The following TTC29 variants were observed in gnomAD, a reference collection of about 807,000 sequenced individuals.
TTC29 encodes tetratricopeptide repeat domain 29.
Under a neutral mutation model 58.1 loss-of-function variants are expected in TTC29, and 49 were observed. That is an observed-to-expected ratio of 0.84 (90% CI 0.67 to 1.07). TTC29 has a LOEUF of 1.07. Among genes scored for constraint, TTC29 ranks in the 50% least tolerant of loss-of-function variants. The probability of loss-of-function intolerance (pLI) is 0.00; values close to 1 mark genes in which losing one functional copy is unlikely to be tolerated. For synonymous variants in TTC29, 209 were observed against 196.8 expected, an observed-to-expected ratio of 1.06 and a Z score of -0.52; for missense variants, 582 against 555.6, an observed-to-expected ratio of 1.05 and a Z score of -0.48.
chr4:146,812,733 A>C (rs902794414), intron 10 of TTC29: 6 of 152,224 alleles, frequency 3.9e-5, no homozygotes, highest in African/African-American at 1.4e-4. Flanking sequence ...AATTATTTTA[A>C]GATGCAAACA....
chr4:146,935,624 G>A (rs6813972), intron 4 of TTC29, among the ~76,000 whole-genome samples: 11,452 of 152,056 alleles, frequency 0.075, 1,467 homozygotes, highest in African/African-American at 0.26. Context: ...TGCACCTCAC[G>A]GTACAGCCGG....
chr4:146,841,575 T>C (rs1157277243), intron 8 of TTC29, among the ~76,000 whole-genome samples: 5 of 152,124 alleles, frequency 3.3e-5, no homozygotes, highest in Non-Finnish European at 7.4e-5. Context: ...AATATTTTTT[T>C]TCTTATTTTT....
intron 6 of TTC29, among the ~76,000 whole-genome samples, chr4:146,881,235 T>G (rs1169668623): frequency 6.6e-6 from 1 of 152,104 alleles, no homozygotes; most frequent in Non-Finnish European, 1.5e-5. Flanking sequence ...GCTAATTATT[T>G]CCTTTTCTAT....
At chr4:146,809,703 A>G (rs1418000751) in intron 10 of TTC29, among the ~76,000 whole-genome samples, 1 of 150,078 alleles carries the variant, frequency 6.7e-6, no homozygotes, top group East Asian at 2.0e-4. Flanking sequence ...GCAAATCAAA[A>G]CCACAATGAG....
rs148227508 is a variant in TTC29, at chr4:146,771,794, T to C, written c.1330+31663A>G. Among the ~76,000 whole-genome samples, 572 of 152,308 alleles carry C rather than the reference T, an allele frequency of 3.8e-3. 3 individuals are homozygous for C. The highest frequency in any genetic ancestry group is 0.013 in the African/African-American group (553 of 41,576). ...TACACCGAGTAACAGGGTTTTTGGG[T>C]TGAATGGTAGTTCTGTTTTAAATTC... On this transcript the variant is annotated intron_variant, in intron 11 of 12. Transcript: ENST00000325106.
chr4:146,818,765 A>T (rs1168439298), intron 10 of TTC29, among the ~76,000 whole-genome samples: 1 of 152,040 alleles, frequency 6.6e-6, no homozygotes, highest in African/African-American at 2.4e-5. Context: ...TAAAAAATGA[A>T]GAGTTCATGT....
At chr4:146,744,614 A>G (rs1286225569) in intron 11 of TTC29, among the ~76,000 whole-genome samples, 1 of 152,096 alleles carries the variant, frequency 6.6e-6, no homozygotes, top group Non-Finnish European at 1.5e-5. Flanking sequence ...CCATCAGCAC[A>G]GTGTGGAGTG....
intron 4 of TTC29, among the ~76,000 whole-genome samples, chr4:146,923,822 C>T (rs1006253165): frequency 1.3e-5 from 2 of 151,736 alleles, no homozygotes; most frequent in African/African-American, 2.4e-5. Flanking sequence ...ACAAGAAAAA[C>T]TTTCTCATTT....
intron 6 of TTC29, among the ~76,000 whole-genome samples, chr4:146,899,075 C>T (rs983067807): frequency 5.9e-5 from 9 of 152,180 alleles, no homozygotes; most frequent in African/African-American, 1.9e-4. Flanking sequence ...AGTTTGCATG[C>T]CCCCCAAACC....
chr4:146,755,143 A>T (rs957074441), intron 11 of TTC29, among the ~76,000 whole-genome samples: 4 of 151,782 alleles, frequency 2.6e-5, no homozygotes, highest in Non-Finnish European at 5.9e-5. Flanking sequence ...ATAATAGCAT[A>T]AAAAAACATA....
At chr4:146,745,363 T>C (rs1745467200) in intron 11 of TTC29, among the ~76,000 whole-genome samples, 1 of 152,158 alleles carries the variant, frequency 6.6e-6, no homozygotes, top group Non-Finnish European at 1.5e-5. Context: ...AGAGAACCAC[T>C]AGTCATGGAG....
intron 11 of TTC29, among the ~76,000 whole-genome samples, chr4:146,768,167 AG>A (rs1747466741): frequency 6.6e-6 from 1 of 152,060 alleles, no homozygotes; most frequent in Non-Finnish European, 1.5e-5. Flanking sequence ...TTGAGTATTA[AG>A]TTTGAAGATT....
chr4:146,888,238 C>T (rs1732121498), intron 6 of TTC29, among the ~76,000 whole-genome samples: 2 of 152,038 alleles, frequency 1.3e-5, no homozygotes, highest in Admixed American at 6.6e-5. Context: ...CGTAGAACTA[C>T]AGAGAGAACC....
At chr4:146,743,512 T>A (rs1159614944) in intron 11 of TTC29, among the ~76,000 whole-genome samples, 1 of 152,202 alleles carries the variant, frequency 6.6e-6, no homozygotes, top group African/African-American at 2.4e-5. Context: ...TTTTCTTTTA[T>A]GTTTTAAAGA....
chr4:146,812,721 T>G (rs1751106639), intron 10 of TTC29: 2 of 152,152 alleles, frequency 1.3e-5, no homozygotes, highest in Admixed American at 6.6e-5. Flanking sequence ...AAATAAAAAA[T>G]TAATTATTTT....
At position 146,738,715 on chromosome 4, in the gene TTC29, G is replaced by A. The variant is rs558463251; in HGVS notation, c.1331-31164C>T. Among the ~76,000 whole-genome samples, 3 of 152,212 alleles carry A rather than the reference G, an allele frequency of 2.0e-5. No homozygotes were observed. In the South Asian group the frequency reaches 6.2e-4, roughly 32 times the overall value. On this transcript the variant is annotated intron_variant, in intron 11 of 12. Transcript: ENST00000325106. ...GCCCTCCTTTCACCTGCCCCGCAGC[G>A]AGACTCTAATCTTACCCAGCCTTTG...
At chr4:146,901,899 G>T (rs147327369) in intron 6 of TTC29, among the ~76,000 whole-genome samples, 1 of 152,236 alleles carries the variant, frequency 6.6e-6, no homozygotes, top group African/African-American at 2.4e-5. Context: ...ACTTTGTCTT[G>T]TTCATTCTGC....
intron 8 of TTC29, among the ~76,000 whole-genome samples, chr4:146,852,402 G>A (rs191212977): frequency 5.2e-4 from 79 of 152,296 alleles, no homozygotes; most frequent in Admixed American, 4.6e-3. Context: ...AGTTAGAGGC[G>A]TGGGCTCCTG....
At chr4:146,747,858 C>T (rs2150043544) in intron 11 of TTC29, among the ~76,000 whole-genome samples, 1 of 152,282 alleles carries the variant, frequency 6.6e-6, no homozygotes, top group Non-Finnish European at 1.5e-5. Flanking sequence ...GCCAAATGGC[C>T]CCAGCACCCC....
Sources: allele counts gnomAD v4.1 joint callset (sites outside exome capture counted in the v4.1 genomes callset), GRCh38; gene constraint gnomAD v4.1.1; transcripts MANE v1.5; gene names NCBI Gene and HGNC (gene_info 2026-07-23, HGNC 2026-07-21).